The following DGKB variants were observed in gnomAD, a reference collection of about 807,000 sequenced individuals.
The protein encoded by DGKB is diacylglycerol kinase beta.
In DGKB, 67 loss-of-function variants were observed where a neutral mutation model predicts 114.3. That is an observed-to-expected ratio of 0.59 (90% CI 0.48 to 0.72). DGKB has a LOEUF of 0.72. DGKB is among the 30% of genes least tolerant of loss of function. The probability of loss-of-function intolerance (pLI) is 0.00; values close to 1 mark genes in which losing one functional copy is unlikely to be tolerated. For missense variants in DGKB, 907 were observed against 975.2 expected, an observed-to-expected ratio of 0.93 and a Z score of 0.93; for synonymous variants, 398 against 323.1, an observed-to-expected ratio of 1.23 and a Z score of -2.49.
At chr7:14,158,500 C>T (rs1412699281) in intron 25 of DGKB, among the ~76,000 whole-genome samples, 1 of 152,162 alleles carries the variant, frequency 6.6e-6, no homozygotes, top group East Asian at 1.9e-4. Context: ...GAAGAAGAAA[C>T]TTCTTTAATG....
chr7:14,464,019 G>A (rs2128874331), intron 21 of DGKB, among the ~76,000 whole-genome samples: 1 of 151,468 alleles, frequency 6.6e-6, no homozygotes, highest in African/African-American at 2.4e-5. Flanking sequence ...AAGTTTTCAT[G>A]GTAACCAAGC....
chr7:14,489,762 C>T (rs1489734205), intron 20 of DGKB, among the ~76,000 whole-genome samples: 1 of 151,990 alleles, frequency 6.6e-6, no homozygotes, highest in Non-Finnish European at 1.5e-5. Flanking sequence ...GGGATACAGG[C>T]AGCAGTGGAG....
intron 1 of DGKB, among the ~76,000 whole-genome samples, chr7:14,858,685 T>A (rs905701758): frequency 3.3e-5 from 5 of 151,222 alleles, no homozygotes; most frequent in Non-Finnish European, 7.4e-5. Context: ...GATCAAGGAG[T>A]AAAGGAAAAG....
chr7:14,674,201 G>A (rs908389461), intron 12 of DGKB, among the ~76,000 whole-genome samples: 3 of 151,824 alleles, frequency 2.0e-5, no homozygotes, highest in South Asian at 2.1e-4. Context: ...TGAAATAAAC[G>A]TATCTTTCCA....
intron 23 of DGKB, among the ~76,000 whole-genome samples, chr7:14,244,024 TGAGAGAGAGAGACA>T (rs1239270028): frequency 6.7e-6 from 1 of 148,314 alleles, no homozygotes; most frequent in Non-Finnish European, 1.5e-5. Context: ...TGAGAGATTC[TGAGAGAGAGAGACA>T]GAGAGAGAGA....
At chr7:14,929,022 T>TACACACACACACACAC (rs3036022) in intron 1 of DGKB, among the ~76,000 whole-genome samples, 1 of 146,750 alleles carries the variant, frequency 6.8e-6, no homozygotes, top group Non-Finnish European at 1.5e-5. Context: ...GCATTGTGTA[T>TACACACACACACACAC]ACACACACAC....
intron 23 of DGKB, among the ~76,000 whole-genome samples, chr7:14,237,947 A>G (rs988644839): frequency 6.6e-6 from 1 of 152,076 alleles, no homozygotes; most frequent in Non-Finnish European, 1.5e-5. Flanking sequence ...CATTTATATT[A>G]CTACATATGT....
At chr7:14,322,813 G>C (rs926124875) in intron 23 of DGKB, among the ~76,000 whole-genome samples, 4 of 152,110 alleles carry the variant, frequency 2.6e-5, no homozygotes, top group Non-Finnish European at 5.9e-5. Context: ...AAATGATCTG[G>C]TCACATAAAA....
In DGKB at chr7:14,391,917, G is replaced by A. The variant is rs531973658; in HGVS notation, c.1836-46526C>T. On this transcript the variant is annotated intron_variant, in intron 21 of 25. Coordinates refer to ENST00000402815, the MANE Select transcript of DGKB (RefSeq NM_001350709.2). ...AAATGAGAATCAGATAGAAATGATAGAATTTATTTGCAAAATTGAGTTGAT... is the reference window on the plus strand; with the variant it reads ...AAATGAGAATCAGATAGAAATGATAAAATTTATTTGCAAAATTGAGTTGAT... Among the ~76,000 whole-genome samples, 3 of 152,232 alleles carry A rather than the reference G, an allele frequency of 2.0e-5. No homozygotes were observed. The East Asian group carries it at 5.8e-4, about 29-fold the overall frequency.
intron 23 of DGKB, among the ~76,000 whole-genome samples, chr7:14,181,913 A>G (rs1782686085): frequency 6.6e-6 from 1 of 152,188 alleles, no homozygotes; most frequent in East Asian, 1.9e-4. Flanking sequence ...ACATCTATAA[A>G]AGGTATTTCA....
chr7:14,260,363 C>CCAT (rs1353392227), intron 23 of DGKB, among the ~76,000 whole-genome samples: 4 of 152,156 alleles, frequency 2.6e-5, no homozygotes, highest in African/African-American at 9.7e-5. Flanking sequence ...GAAGAGTTTT[C>CCAT]CATCATAATT....
chr7:14,916,436 T>A (rs1378675683), intron 1 of DGKB, among the ~76,000 whole-genome samples: 3 of 151,976 alleles, frequency 2.0e-5, no homozygotes, highest in African/African-American at 7.2e-5. Context: ...TCAACAAATA[T>A]ATTAAAGGGA....
chr7:14,185,009 T>A (rs1361095677), intron 23 of DGKB, among the ~76,000 whole-genome samples: 1 of 152,080 alleles, frequency 6.6e-6, no homozygotes, highest in Non-Finnish European at 1.5e-5. Flanking sequence ...AACATAGTAC[T>A]GGAAGTCCTA....
chr7:14,932,902 C>T (rs1587407844), intron 1 of DGKB, among the ~76,000 whole-genome samples: 1 of 152,124 alleles, frequency 6.6e-6, no homozygotes, highest in South Asian at 2.1e-4. Flanking sequence ...GGATGGTCTT[C>T]GTCCACCTTG....
chr7:14,698,751 A>G (rs1323285258), intron 7 of DGKB, among the ~76,000 whole-genome samples: 1 of 152,058 alleles, frequency 6.6e-6, no homozygotes, highest in Non-Finnish European at 1.5e-5. Flanking sequence ...TCAATTATCA[A>G]CTCTTTGAAG....
intron 1 of DGKB, among the ~76,000 whole-genome samples, chr7:14,923,576 C>G (rs1450820086): frequency 2.0e-5 from 3 of 152,160 alleles, no homozygotes; most frequent in Non-Finnish European, 2.9e-5. Context: ...GTAGTTCAAA[C>G]CATCATTATT....
At chr7:14,190,507 A>G (rs950148965) in intron 23 of DGKB, among the ~76,000 whole-genome samples, 15 of 152,128 alleles carry the variant, frequency 9.9e-5, no homozygotes, top group African/African-American at 2.7e-4. Context: ...ATAATAAACT[A>G]AAGCCAAAAT....
chr7:14,957,609 T>C (rs1256306000), intron 1 of DGKB, among the ~76,000 whole-genome samples: 1 of 152,094 alleles, frequency 6.6e-6, no homozygotes, highest in Non-Finnish European at 1.5e-5. Flanking sequence ...ATAAGTTACA[T>C]ATTGCCATTT....
chr7:14,851,475 A>G (rs750468291), intron 1 of DGKB, among the ~76,000 whole-genome samples: 145 of 152,094 alleles, frequency 9.5e-4, no homozygotes, highest in Non-Finnish European at 1.8e-3. Flanking sequence ...ATCCATAGGG[A>G]TAGAATCTTC....
Sources: gnomAD v4.1 joint callset for allele counts (sites outside exome capture counted in the v4.1 genomes callset) on GRCh38, gnomAD v4.1.1 for gene constraint, MANE v1.5 for transcripts, NCBI Gene and HGNC (gene_info 2026-07-23, HGNC 2026-07-21) for gene names.